ZNF148: variants seen among roughly 807,000 people sequenced by gnomAD.
ZNF148 encodes the protein Beta-Enolase Repressor Factor-1.
ZNF148 carries 7 observed loss-of-function variants against 67.7 expected under a neutral mutation model. That is an observed-to-expected ratio of 0.10 (90% confidence interval 0.06 to 0.19). The LOEUF (loss-of-function observed/expected upper bound fraction) is 0.19, where lower values mean the gene tolerates loss of function less well. ZNF148 is among the 10% of genes least tolerant of loss of function. The pLI is 1.00. For synonymous variants in ZNF148, 333 were observed against 330.7 expected, an observed-to-expected ratio of 1.01 and a Z score of -0.08; for missense variants, 583 against 947.1, an observed-to-expected ratio of 0.62 and a Z score of 5.05.
chr3:125,244,893 A>G (rs956614747), intron 7 of ZNF148, among the ~76,000 whole-genome samples: 7 of 151,580 alleles, frequency 4.6e-5, no homozygotes, highest in Non-Finnish European at 1.0e-4. Flanking sequence ...TATGACATCC[A>G]TACTCCTTCA....
intron 4 of ZNF148, among the ~76,000 whole-genome samples, chr3:125,291,679 A>G (rs1423296671): frequency 6.6e-6 from 1 of 152,130 alleles, no homozygotes; most frequent in African/African-American, 2.4e-5. Context: ...TTCCCCTGTA[A>G]GTTCTTGTGG....
At chr3:125,255,395 C>T (rs776514107) in intron 7 of ZNF148, among the ~76,000 whole-genome samples, 1 of 151,858 alleles carries the variant, frequency 6.6e-6, no homozygotes, top group African/African-American at 2.4e-5. Context: ...TATAGGCATG[C>T]ACCACCATGC....
At chr3:125,249,052 A>G (rs944970038) in intron 7 of ZNF148, among the ~76,000 whole-genome samples, 1 of 152,210 alleles carries the variant, frequency 6.6e-6, no homozygotes, top group African/African-American at 2.4e-5. Flanking sequence ...AAAGACTTAA[A>G]CATAAGACCT....
intron 7 of ZNF148, among the ~76,000 whole-genome samples, chr3:125,234,967 G>A (rs1314304851): frequency 1.3e-5 from 2 of 152,038 alleles, no homozygotes; most frequent in African/African-American, 4.8e-5. Context: ...ATGACTCCTA[G>A]AATCTTCTGA....
intron 7 of ZNF148, among the ~76,000 whole-genome samples, chr3:125,274,157 A>G (rs1937917265): frequency 6.6e-6 from 1 of 152,198 alleles, no homozygotes; most frequent in African/African-American, 2.4e-5. Context: ...AAAGTACTTG[A>G]TCCACAAGGA....
intron 1 of ZNF148, among the ~76,000 whole-genome samples, chr3:125,336,939 T>G (rs1319927191): frequency 6.6e-6 from 1 of 150,566 alleles, no homozygotes; most frequent in African/African-American, 2.4e-5. Context: ...CCTCCCAAAG[T>G]GCTGGTATTA....
rs1943031625 is a variant in ZNF148 at position 125,375,248 on chromosome 3, C to CTCCTCT, written c.-386_-381dup. 6.5e-6 allele frequency: 1 copy of CTCCTCT among 154,744 alleles called. No homozygotes were observed. Among genetic ancestry groups the CTCCTCT allele is most frequent in the South Asian group, 2.0e-4 (1 of 4,932 alleles). 9.6% of individuals were successfully genotyped at this position (154,744 alleles called of 1,614,324 possible). On this transcript the variant is annotated 5_prime_UTR_variant, in exon 1 of 9. Coordinates refer to ENST00000360647, the MANE Select transcript of ZNF148 (RefSeq NM_021964.3). ...CAACAGCTCCCACCCCTGCGCCTTT[C>CTCCTCT]TCCTCTTCCTCCCCCTCCTCCTCCT... is the stretch of plus-strand genomic sequence containing the variant.
intron 1 of ZNF148, among the ~76,000 whole-genome samples, chr3:125,353,615 G>GT (rs1011163887): frequency 1.1e-4 from 16 of 152,102 alleles, no homozygotes; most frequent in South Asian, 2.1e-4. Context: ...CAAAATAAAG[G>GT]TTTTTTCCTT....
chr3:125,324,583 G>C (rs1467438849), intron 2 of ZNF148, among the ~76,000 whole-genome samples: 1 of 152,128 alleles, frequency 6.6e-6, no homozygotes, highest in East Asian at 1.9e-4. Flanking sequence ...CTACCCTGGA[G>C]GTTCTTAAAA....
chr3:125,328,855 T>C lies in ZNF148; in HGVS notation c.-153+2303A>G, dbSNP rs867090247. On this transcript the variant is annotated intron_variant, in intron 2 of 8. Coordinates refer to ENST00000360647, the MANE Select transcript of ZNF148 (RefSeq NM_021964.3). ...TTAAAAAGTTTGACACTAGCTAGTG[T>C]TGTCAAAGAGATAGAGAGATCCCCT... is the stretch of plus-strand genomic sequence containing the variant. Among the ~76,000 whole-genome samples, 5 of 152,208 alleles carry C rather than the reference T, an allele frequency of 3.3e-5. No individual in the cohort carries two copies. The South Asian group carries it at 1.0e-3, about 32-fold the overall frequency.
chr3:125,290,572 T>C (rs775240544), intron 4 of ZNF148, among the ~76,000 whole-genome samples: 2 of 152,204 alleles, frequency 1.3e-5, no homozygotes, highest in African/African-American at 2.4e-5. Context: ...TGGTATTTCT[T>C]ATAATAGCTG....
chr3:125,304,200 A>G (rs1192474759), intron 4 of ZNF148, among the ~76,000 whole-genome samples: 2 of 152,062 alleles, frequency 1.3e-5, no homozygotes, highest in Non-Finnish European at 2.9e-5. Flanking sequence ...ATGGCCCAAT[A>G]TAAGATGTCA....
chr3:125,255,849 CT>C (rs1251065416), intron 7 of ZNF148, among the ~76,000 whole-genome samples: 4 of 151,712 alleles, frequency 2.6e-5, no homozygotes, highest in East Asian at 1.9e-4. Flanking sequence ...GATAATTTGT[CT>C]TTTTTTTCCC....
chr3:125,253,075 C>G (rs1213488487), intron 7 of ZNF148, among the ~76,000 whole-genome samples: 1 of 152,144 alleles, frequency 6.6e-6, no homozygotes, highest in East Asian at 1.9e-4. Flanking sequence ...GATATTTTAA[C>G]TGAAATTGCA....
At chr3:125,343,320 A>G (rs1181721983) in intron 1 of ZNF148, among the ~76,000 whole-genome samples, 4 of 152,112 alleles carry the variant, frequency 2.6e-5, no homozygotes, top group African/African-American at 9.7e-5. Flanking sequence ...AAAAGGTCCT[A>G]TTATGTGGTC....
chr3:125,324,995 C>CAACAGTAA (rs1940957398), intron 2 of ZNF148, among the ~76,000 whole-genome samples: 1 of 151,748 alleles, frequency 6.6e-6, no homozygotes, highest in Non-Finnish European at 1.5e-5. Context: ...AGTGAAATGA[C>CAACAGTAA]AACAGTAACA....
chr3:125,253,051 A>T (rs1936914024), intron 7 of ZNF148, among the ~76,000 whole-genome samples: 1 of 152,138 alleles, frequency 6.6e-6, no homozygotes, highest in Non-Finnish European at 1.5e-5. Flanking sequence ...ACACATACGC[A>T]TCTGCTGGTA....
In ZNF148 at chr3:125,227,947, C is replaced by A. The variant is rs1293821887; in HGVS notation, c.*4394G>T. ...TGTCCTGTACAGTATAATATCTACT[C>A]ACTTGAAACTATAATAGGTTTGTCT... On this transcript the variant is annotated 3_prime_UTR_variant, in exon 9 of 9. Coordinates refer to ENST00000360647, the MANE Select transcript of ZNF148 (RefSeq NM_021964.3). The A allele has an allele frequency of 6.6e-6, 1 of 152,528 alleles. No homozygotes were observed. The highest frequency in any genetic ancestry group is 1.5e-5 in the Non-Finnish European group (1 of 68,014). The allele number at this position is 152,528 out of a possible 1,614,324, so 9.4% of individuals were successfully genotyped here.
At chr3:125,259,878 A>G (rs1937258456) in intron 7 of ZNF148, among the ~76,000 whole-genome samples, 1 of 152,102 alleles carries the variant, frequency 6.6e-6, no homozygotes, top group South Asian at 2.1e-4. Flanking sequence ...TTCCTCACTA[A>G]GCTTAATCAT....
Sources: allele counts gnomAD v4.1 joint callset (sites outside exome capture counted in the v4.1 genomes callset), GRCh38; gene constraint gnomAD v4.1.1; transcripts MANE v1.5; gene names NCBI Gene and HGNC (gene_info 2026-07-23, HGNC 2026-07-21).